The following CCDC171 variants were observed in gnomAD, a reference collection of about 807,000 sequenced individuals.
CCDC171 encodes the protein coiled-coil domain-containing protein 171.
Under a neutral mutation model 168.2 loss-of-function variants are expected in CCDC171, and 177 were observed. The observed-to-expected ratio is 1.05, with a 90% CI of 0.93 to 1.19. CCDC171 has a LOEUF of 1.19. Ranked by LOEUF, CCDC171 falls within the 50% of genes most tolerant of loss-of-function variation. The pLI, the probability that CCDC171 is intolerant of heterozygous loss-of-function variation, is 0.00. For synonymous variants in CCDC171, 687 were observed against 540.8 expected, an observed-to-expected ratio of 1.27 and a Z score of -3.75; for missense variants, 1,991 against 1,539.0, an observed-to-expected ratio of 1.29 and a Z score of -4.91.
chr9:15,976,789 C>T (rs1199367397), downstream of CCDC171, among the ~76,000 whole-genome samples: 1 of 151,924 alleles, frequency 6.6e-6, no homozygotes. Context: ...ACAAGGAAAT[C>T]TTCTAAAATT....
intron 23 of CCDC171, among the ~76,000 whole-genome samples, chr9:15,861,261 G>A (rs114062354): frequency 6.7e-6 from 1 of 148,474 alleles, no homozygotes; most frequent in East Asian, 2.0e-4. Context: ...TCTCTTTATT[G>A]GAAGTTATAT....
intron 11 of CCDC171, among the ~76,000 whole-genome samples, chr9:15,711,747 G>C (rs1190539407): frequency 2.0e-5 from 3 of 152,192 alleles, no homozygotes; most frequent in African/African-American, 7.2e-5. Flanking sequence ...AATGTGTATT[G>C]CTTTGGCACT....
At chr9:16,002,772 C>G (rs957858434) in intron 3 of CCDC171, among the ~76,000 whole-genome samples, 1 of 152,176 alleles carries the variant, frequency 6.6e-6, no homozygotes, top group Non-Finnish European at 1.5e-5. Context: ...GGTAAGTGCC[C>G]TCTGTAGTTG....
At position 15,895,555 on chromosome 9, in the gene CCDC171, A is replaced by G. The variant is rs141883506; in HGVS notation, c.3600+20892A>G. On this transcript the variant is annotated intron_variant, in intron 24 of 25. Coordinates refer to ENST00000380701, the MANE Select transcript of CCDC171 (RefSeq NM_173550.4). ...CATACTCTGTCTTATCTATATGTCA[A>G]TAGACTCCAAAGTCTCCAAAGCAGC... 1.7e-3 allele frequency among the ~76,000 whole-genome samples: 262 copies of G among 152,240 alleles called. 2 individuals are homozygous for G. The highest frequency in any genetic ancestry group is 5.8e-3 in the African/African-American group (242 of 41,570).
chr9:15,912,047 A>G (rs926704795), intron 24 of CCDC171, among the ~76,000 whole-genome samples: 4 of 152,178 alleles, frequency 2.6e-5, no homozygotes, highest in Non-Finnish European at 5.9e-5. Context: ...TTTTTGTTCC[A>G]TATGAAATTT....
chr9:15,879,818 T>C (rs1296051534), intron 24 of CCDC171, among the ~76,000 whole-genome samples: 1 of 152,100 alleles, frequency 6.6e-6, no homozygotes, highest in Non-Finnish European at 1.5e-5. Flanking sequence ...TTCTCTTTTT[T>C]CCCCTGGAAT....
intron 24 of CCDC171, among the ~76,000 whole-genome samples, chr9:15,898,294 G>C (rs996953952): frequency 6.6e-6 from 1 of 152,066 alleles, no homozygotes; most frequent in Non-Finnish European, 1.5e-5. Flanking sequence ...CCTCCTTTGG[G>C]GCTTACATGG....
chr9:16,020,866 C>T (rs1250391353), intron 4 of CCDC171: 2 of 152,200 alleles, frequency 1.3e-5, no homozygotes, highest in African/African-American at 4.8e-5. Flanking sequence ...CTGTGGATGA[C>T]CACCAGTAAT....
At chr9:15,700,160 G>C (rs943215580) in intron 11 of CCDC171, among the ~76,000 whole-genome samples, 3 of 152,196 alleles carry the variant, frequency 2.0e-5, no homozygotes, top group African/African-American at 7.2e-5. Flanking sequence ...CAGGCATGGC[G>C]GGCTGCAGGT....
At chr9:15,934,362 C>T (rs1235559958) in intron 25 of CCDC171, among the ~76,000 whole-genome samples, 2 of 145,980 alleles carry the variant, frequency 1.4e-5, no homozygotes, top group Admixed American at 1.4e-4. Context: ...TGCACTCCAG[C>T]CTGGGCAACA....
intron 10 of CCDC171, among the ~76,000 whole-genome samples, chr9:15,688,459 T>C (rs1260459759): frequency 6.6e-6 from 1 of 152,124 alleles, no homozygotes; most frequent in Non-Finnish European, 1.5e-5. Flanking sequence ...ATGTAGATGC[T>C]AAAATTCTCA....
intron 7 of CCDC171, among the ~76,000 whole-genome samples, chr9:15,647,154 G>A (rs1325815426): frequency 2.0e-5 from 3 of 152,128 alleles, no homozygotes; most frequent in Admixed American, 2.0e-4. Flanking sequence ...AATGACTGCT[G>A]GGTACATAAC....
Position 15,702,122 on chromosome 9 carries a change from C to A in CCDC171, c.1318+6785C>A, listed in dbSNP as rs147424839. Among the ~76,000 whole-genome samples the A allele has an allele frequency of 6.6e-3, 1,006 of 152,248 alleles. 18 individuals carry two copies. Among genetic ancestry groups the A allele is most frequent in the African/African-American group, 0.023 (949 of 41,542 alleles). On this transcript the variant is annotated intron_variant, in intron 11 of 25. Transcript: ENST00000380701. ...GGTGACCAAGTACATTGTCAATGAACAATAATGTTTTGAAAGGAATCTTTT... is the reference window on the plus strand; with the variant it reads ...GGTGACCAAGTACATTGTCAATGAAAAATAATGTTTTGAAAGGAATCTTTT...
chr9:16,000,447 T>C (rs1029272631), intron 3 of CCDC171, among the ~76,000 whole-genome samples: 3 of 152,194 alleles, frequency 2.0e-5, no homozygotes, highest in Admixed American at 1.3e-4. Context: ...CTTTAAAAGT[T>C]TCTAGGTAGA....
At chr9:15,991,318 T>C (rs556183467) in intron 3 of CCDC171, among the ~76,000 whole-genome samples, 67 of 152,092 alleles carry the variant, frequency 4.4e-4, no homozygotes, top group Middle Eastern at 3.4e-3. Flanking sequence ...AAAACCTGCT[T>C]CTGAATGACT....
At chr9:16,035,206 G>A (rs1833441891) in intron 6 of CCDC171, among the ~76,000 whole-genome samples, 1 of 152,106 alleles carries the variant, frequency 6.6e-6, no homozygotes, top group African/African-American at 2.4e-5. Flanking sequence ...TTCAAATTCG[G>A]TCTTAAAAAC....
intron 10 of CCDC171, among the ~76,000 whole-genome samples, chr9:15,687,468 G>A (rs1306538532): frequency 6.0e-5 from 9 of 151,242 alleles, no homozygotes; most frequent in Non-Finnish European, 7.4e-5. Context: ...AACATTTCAC[G>A]GTAAGAAAAG....
At chr9:15,556,315 A>T (rs2038793476) in intron 1 of CCDC171, among the ~76,000 whole-genome samples, 1 of 152,138 alleles carries the variant, frequency 6.6e-6, no homozygotes, top group Admixed American at 6.6e-5. Context: ...GAGTCGCCAT[A>T]CTGTCTTCCA....
At chr9:15,777,423 C>G (rs1011450998) in intron 18 of CCDC171, among the ~76,000 whole-genome samples, 177 bp from the exon 19 acceptor site, 2 of 151,974 alleles carry the variant, frequency 1.3e-5, no homozygotes, top group African/African-American at 4.8e-5. Flanking sequence ...GTGAGCTATT[C>G]TCTGAATTCC....
Sources: allele counts gnomAD v4.1 joint callset (sites outside exome capture counted in the v4.1 genomes callset), GRCh38; gene constraint gnomAD v4.1.1; transcripts MANE v1.5; gene names NCBI Gene and HGNC (gene_info 2026-07-23, HGNC 2026-07-21).